ARHGAP8: variants seen among roughly 807,000 people sequenced by gnomAD.
ARHGAP8 encodes the protein rho GTPase-activating protein 8.
A neutral mutation model predicts 46.1 loss-of-function variants in ARHGAP8; 62 were observed. That is an observed-to-expected ratio of 1.34 (90% CI 1.10 to 1.66). The LOEUF (loss-of-function observed/expected upper bound fraction) is 1.66. Ranked by LOEUF, ARHGAP8 falls within the 40% of genes most tolerant of loss-of-function variation. The pLI is 0.00. For missense variants in ARHGAP8, 923 were observed against 568.4 expected, an observed-to-expected ratio of 1.62 and a Z score of -6.34; for synonymous variants, 375 against 243.1, an observed-to-expected ratio of 1.54 and a Z score of -5.05.
At chr22:44,775,235 G>A (rs1926336146) in intron 1 of ARHGAP8, among the ~76,000 whole-genome samples, 1 of 152,204 alleles carries the variant, frequency 6.6e-6, no homozygotes, top group Non-Finnish European at 1.5e-5. Context: ...TTCATACTCA[G>A]CACCAGCGTT....
At chr22:44,857,884 G>A (rs62232223) in intron 10 of ARHGAP8, among the ~76,000 whole-genome samples, 17,548 of 151,994 alleles carry the variant, frequency 0.12, 1,122 homozygotes, top group African/African-American at 0.16. Context: ...TGACATTGGC[G>A]GTTGTGACGC....
chr22:44,814,000 T>C (rs1432707815), intron 4 of ARHGAP8, among the ~76,000 whole-genome samples: 1 of 152,152 alleles, frequency 6.6e-6, no homozygotes, highest in Non-Finnish European at 1.5e-5. Context: ...GGGCTGTGTC[T>C]CCCCAGCAGG....
chr22:44,828,606 C>A (rs1930705591), intron 7 of ARHGAP8, among the ~76,000 whole-genome samples: 1 of 148,056 alleles, frequency 6.8e-6, no homozygotes, highest in Non-Finnish European at 1.5e-5. Context: ...TGCGCCACCA[C>A]ACCTGGCTAA....
Position 44,862,519 on chromosome 22 carries a change from C to G in ARHGAP8, c.1226C>G (p.Pro409Arg). 6.2e-7 allele frequency: 1 copy of G among 1,612,208 alleles called. No individual in the cohort carries two copies. Among genetic ancestry groups the G allele is most frequent in the Non-Finnish European group, 8.5e-7 (1 of 1,178,580 alleles). ...GCAGCCCCTTTGCAGGAGGCTGTGC[C>G]ACGGACACAAGCCACGGGCCTCACC... ...SRAAPLQEAV[P>R]RTQATGLTKP... The change falls in exon 12 of 12, where the codon CCA becomes CGA. Residue 409 changes from proline (P) to arginine (R), a missense_variant. Pro to Arg is a moderately radical substitution (Grantham distance 103, BLOSUM62 -2). Coordinates refer to ENST00000356099, the MANE Select transcript of ARHGAP8 (RefSeq NM_181335.3).
At chr22:44,770,352 G>A (rs1243794825) in intron 1 of ARHGAP8, among the ~76,000 whole-genome samples, 1 of 151,848 alleles carries the variant, frequency 6.6e-6, no homozygotes, top group African/African-American at 2.4e-5. Context: ...CTTGGGTGCA[G>A]GTGGAGTCAT....
chr22:44,780,100 T>C, intron 1 of ARHGAP8, among the ~76,000 whole-genome samples: 1 of 152,156 alleles, frequency 6.6e-6, no homozygotes, highest in East Asian at 1.9e-4. Context: ...ATGTATGTTC[T>C]CCCTCCAGCC....
At chr22:44,828,869 G>A (rs1930726647) in intron 7 of ARHGAP8, among the ~76,000 whole-genome samples, 1 of 152,048 alleles carries the variant, frequency 6.6e-6, no homozygotes, top group Admixed American at 6.6e-5. Flanking sequence ...TGGCACACAG[G>A]GTCCCAGGGG....
intron 2 of ARHGAP8, among the ~76,000 whole-genome samples, chr22:44,801,439 A>G (rs1291080150): frequency 0.035 from 1,478 of 42,390 alleles, 14 homozygotes; most frequent in Middle Eastern, 0.067. Flanking sequence ...GTGTGGGGGC[A>G]CCTCTCCCCG....
intron 10 of ARHGAP8, among the ~76,000 whole-genome samples, chr22:44,859,234 C>G (rs1035688448): frequency 1.3e-5 from 2 of 151,474 alleles, no homozygotes; most frequent in Non-Finnish European, 3.0e-5. Context: ...TGAATTGAAA[C>G]TTTGGAGGTG....
intron 1 of ARHGAP8, among the ~76,000 whole-genome samples, chr22:44,764,107 C>A (rs914012375): frequency 2.6e-5 from 4 of 152,124 alleles, no homozygotes; most frequent in Non-Finnish European, 5.9e-5. Flanking sequence ...CCACCGCGCC[C>A]GGCCATGATT....
chr22:44,833,344 G>GTGGT (rs150439071), intron 7 of ARHGAP8, among the ~76,000 whole-genome samples: 12,896 of 151,760 alleles, frequency 0.085, 748 homozygotes, highest in East Asian at 0.26. Flanking sequence ...AGTTTGTTGA[G>GTGGT]TGGTTGGTTG....
intron 5 of ARHGAP8, among the ~76,000 whole-genome samples, chr22:44,815,689 C>T (rs1462790299): frequency 1.3e-5 from 2 of 152,182 alleles, no homozygotes; most frequent in Non-Finnish European, 2.9e-5. Context: ...CATATTTAGA[C>T]TTGTTCCTGC....
At chr22:44,801,377 T>C (rs369674918) in intron 2 of ARHGAP8, among the ~76,000 whole-genome samples, 63 of 46,866 alleles carry the variant, frequency 1.3e-3, no homozygotes, top group African/African-American at 4.5e-3. Flanking sequence ...TGGGGGCACC[T>C]CTCCCCGCAG....
chr22:44,859,594 T>G, intron 10 of ARHGAP8, 137 bp from the exon 11 acceptor site: 1 of 844,948 alleles, frequency 1.2e-6, no homozygotes, highest in South Asian at 1.5e-5. Context: ...AGAAGATAAG[T>G]GGGGGTCCCA....
At chr22:44,831,393 C>T (rs4823392) in intron 7 of ARHGAP8, among the ~76,000 whole-genome samples, 30,638 of 152,112 alleles carry the variant, frequency 0.2, 4,230 homozygotes, top group East Asian at 0.74. Flanking sequence ...TACAGCACCA[C>T]TTGTTGAAAA....
chr22:44,855,123 T>C (rs1262655883), intron 10 of ARHGAP8, among the ~76,000 whole-genome samples: 1 of 152,224 alleles, frequency 6.6e-6, no homozygotes, highest in African/African-American at 2.4e-5. Context: ...CTTTAAGGGA[T>C]TTTATAAATT....
At chr22:44,802,557 C>T (rs1928633121) in intron 3 of ARHGAP8, among the ~76,000 whole-genome samples, 2 of 152,198 alleles carry the variant, frequency 1.3e-5, no homozygotes, top group Admixed American at 6.5e-5. Flanking sequence ...CTGGGAACAC[C>T]TTCAGAGCTG....
intron 4 of ARHGAP8, among the ~76,000 whole-genome samples, chr22:44,810,510 G>A (rs1357015624): frequency 2.6e-5 from 4 of 152,214 alleles, no homozygotes; most frequent in African/African-American, 4.8e-5. Context: ...AAAGTGCCGG[G>A]ATTACAGGCG....
rs144546780 is a variant in ARHGAP8 at position 44,862,522 on chromosome 22, G to A, written c.1229G>A (p.Arg410Gln). The A allele has an allele frequency of 1.0e-3, 1,682 of 1,611,982 alleles. 2 individuals are homozygous for A. Among genetic ancestry groups the A allele is most frequent in the African/African-American group, 7.1e-3 (532 of 74,998 alleles). ...GCCCCTTTGCAGGAGGCTGTGCCACGGACACAAGCCACGGGCCTCACCAAG... is the reference window on the plus strand; with the variant it reads ...GCCCCTTTGCAGGAGGCTGTGCCACAGACACAAGCCACGGGCCTCACCAAG... The part of the protein sequence containing the change: ...RAAPLQEAVP[R>Q]TQATGLTKPT... The change falls in exon 12 of 12, where the codon CGG becomes CAG. Residue 410 changes from arginine (R) to glutamine (Q), a missense_variant. Transcript: ENST00000356099.
Sources: gnomAD v4.1 joint callset for allele counts (sites outside exome capture counted in the v4.1 genomes callset) on GRCh38, gnomAD v4.1.1 for gene constraint, MANE v1.5 for transcripts, NCBI Gene and HGNC (gene_info 2026-07-23, HGNC 2026-07-21) for gene names.